The following MIB1 variants were observed in gnomAD, a reference collection of about 807,000 sequenced individuals.
MIB1 encodes the protein E3 ubiquitin-protein ligase MIB1.
A neutral mutation model predicts 124.5 loss-of-function variants in MIB1; 278 were observed. That is an observed-to-expected ratio of 2.23 (90% CI 2.02 to 2.47). The LOEUF (loss-of-function observed/expected upper bound fraction) is 2.47, where lower values mean the gene tolerates loss of function less well. Ranked by LOEUF, MIB1 falls within the 30% of genes most tolerant of loss-of-function variation. The probability of loss-of-function intolerance (pLI) is 0.00; values close to 1 mark genes in which losing one functional copy is unlikely to be tolerated. For synonymous variants in MIB1, 446 were observed against 429.4 expected, an observed-to-expected ratio of 1.04 and a Z score of -0.48; for missense variants, 957 against 1,254.4, an observed-to-expected ratio of 0.76 and a Z score of 3.58.
chr18:21,806,248 T>C (rs2041705178), intron 10 of MIB1, among the ~76,000 whole-genome samples: 1 of 151,620 alleles, frequency 6.6e-6, no homozygotes, highest in Non-Finnish European at 1.5e-5. Flanking sequence ...CTGCCCTGAC[T>C]GGAGTGCAGT....
chr18:21,854,043 A>G (rs540819135), intron 18 of MIB1, among the ~76,000 whole-genome samples: 4 of 147,734 alleles, frequency 2.7e-5, no homozygotes, highest in East Asian at 2.0e-4. Flanking sequence ...AAAAATTCCA[A>G]TAGGCAGCTG....
chr18:21,805,030 T>G (rs2041688402), intron 10 of MIB1, among the ~76,000 whole-genome samples: 1 of 152,132 alleles, frequency 6.6e-6, no homozygotes, highest in Non-Finnish European at 1.5e-5. Context: ...AATTAATTTT[T>G]GAGGCAGAGT....
chr18:21,838,530 T>A (rs759802197), intron 13 of MIB1, 33 bp downstream of exon 13: 72 of 1,535,244 alleles, frequency 4.7e-5, no homozygotes, highest in East Asian at 2.3e-4. Context: ...CCCTCTTTTT[T>A]ATTTTTTTTT....
Position 21,773,659 on chromosome 18 carries a change from A to ACATAG in MIB1, c.569_573dup (p.Ala192IlefsTer26). On this transcript the variant is annotated frameshift_variant, in exon 4 of 21. Transcript: ENST00000261537. LOFTEE classifies it high-confidence loss of function. ...TCCAGGACTGGAGTGCATCAAGCCC[A>ACATAG]CATAGCGCAGCATATGTCCTCTGGG... 1 of 1,610,068 alleles carries ACATAG rather than the reference A, an allele frequency of 6.2e-7. No homozygotes were observed. Among genetic ancestry groups the ACATAG allele is most frequent in the Non-Finnish European group, 8.5e-7 (1 of 1,178,462 alleles).
chr18:21,851,188 G>T (rs2042176818), intron 17 of MIB1, among the ~76,000 whole-genome samples: 1 of 152,124 alleles, frequency 6.6e-6, no homozygotes, highest in African/African-American at 2.4e-5. Flanking sequence ...CTGACATCTG[G>T]TTCTTGAATG....
chr18:21,795,445 A>G lies in MIB1; in HGVS notation c.1093-2639A>G, dbSNP rs371033952. 3.2e-4 allele frequency among the ~76,000 whole-genome samples: 47 copies of G among 148,324 alleles called. No individual in the cohort carries two copies. The East Asian group carries it at 4.3e-3, about 13-fold the overall frequency. On this transcript the variant is annotated intron_variant, in intron 7 of 20. Transcript: ENST00000261537. ...TATAATTATTAGGACAATACAAACT[A>G]TATTAAAGCAGACAATGTAATGATA... is the stretch of plus-strand genomic sequence containing the variant.
chr18:21,713,708 AAATG>A (rs1868583898), intron 1 of MIB1, among the ~76,000 whole-genome samples: 1 of 151,200 alleles, frequency 6.6e-6, no homozygotes, highest in Admixed American at 6.6e-5. Flanking sequence ...TGGCCTCCCA[AAATG>A]CTAGGAGTAC....
intron 1 of MIB1, among the ~76,000 whole-genome samples, chr18:21,762,688 CAA>C (rs751152426): frequency 8.5e-5 from 13 of 152,138 alleles, no homozygotes; most frequent in Admixed American, 3.3e-4. Flanking sequence ...TAAAAACAAA[CAA>C]AAACAGGAAG....
At chr18:21,773,170 G>T (rs1488208736) in intron 3 of MIB1, among the ~76,000 whole-genome samples, 1 of 152,100 alleles carries the variant, frequency 6.6e-6, no homozygotes, top group Non-Finnish European at 1.5e-5. Context: ...GGAGGCTGAG[G>T]CAGGAGAAGC....
intron 7 of MIB1, 149 bp downstream of exon 7, chr18:21,791,706 T>G: frequency 1.7e-6 from 1 of 580,034 alleles, no homozygotes; most frequent in Non-Finnish European, 2.9e-6. Flanking sequence ...CATTTTGTTT[T>G]CTAATTTATC....
intron 12 of MIB1, among the ~76,000 whole-genome samples, chr18:21,820,402 C>T (rs1479765882): frequency 6.6e-6 from 1 of 152,142 alleles, no homozygotes; most frequent in African/African-American, 2.4e-5. Context: ...ATTCTGAACA[C>T]TTATTCTTTG....
At chr18:21,739,189 G>T (rs1374790824), upstream of MIB1, among the ~76,000 whole-genome samples, 7 of 152,128 alleles carry the variant, frequency 4.6e-5, no homozygotes, top group Admixed American at 3.3e-4. Context: ...AAATCTAGAA[G>T]AAATGGATAA....
At chr18:21,716,634 G>A (rs1330768861) in intron 1 of MIB1, among the ~76,000 whole-genome samples, 6 of 152,114 alleles carry the variant, frequency 3.9e-5, no homozygotes, top group Admixed American at 1.3e-4. Flanking sequence ...GGCGGATCAC[G>A]AGGTCAGGAG....
chr18:21,740,372 G>A (rs773051316), upstream of MIB1, among the ~76,000 whole-genome samples: 2 of 152,146 alleles, frequency 1.3e-5, no homozygotes, highest in African/African-American at 2.4e-5. Flanking sequence ...TCCATACCAT[G>A]CTGTTCAGCT....
intron 16 of MIB1, among the ~76,000 whole-genome samples, chr18:21,848,250 G>A (rs373056237): frequency 1.3e-5 from 2 of 152,144 alleles, no homozygotes; most frequent in East Asian, 3.9e-4. Context: ...GAGGTCAGGA[G>A]TTCAAGACCA....
chr18:21,722,577 G>A (rs1157659799), intron 1 of MIB1, among the ~76,000 whole-genome samples: 5 of 151,460 alleles, frequency 3.3e-5, no homozygotes, highest in African/African-American at 7.3e-5. Context: ...CACCATGTGG[G>A]CCAGACTAGT....
intron 5 of MIB1, 119 bp downstream of exon 5, chr18:21,778,288 T>A (rs1477716094): frequency 1.3e-5 from 8 of 620,316 alleles, no homozygotes; most frequent in Admixed American, 3.3e-5. Flanking sequence ...AGAGAAAAAA[T>A]TTTTTGGCTT....
At chr18:21,764,734 A>AAAAC (rs1274041118) in intron 1 of MIB1, among the ~76,000 whole-genome samples, 8 of 147,442 alleles carry the variant, frequency 5.4e-5, no homozygotes, top group Admixed American at 4.7e-4. Context: ...TTTTGAAAAA[A>AAAAC]AAAACAAAAC....
intron 7 of MIB1, among the ~76,000 whole-genome samples, chr18:21,792,515 T>C (rs2041518374): frequency 6.6e-6 from 1 of 152,210 alleles, no homozygotes; most frequent in African/African-American, 2.4e-5. Flanking sequence ...CCTTTCTGCC[T>C]TATTCCCTAA....
Sources: allele counts gnomAD v4.1 joint callset (sites outside exome capture counted in the v4.1 genomes callset), GRCh38; gene constraint gnomAD v4.1.1; transcripts MANE v1.5; gene names NCBI Gene and HGNC (gene_info 2026-07-23, HGNC 2026-07-21).